Variants in DAB1 observed in about 807,000 individuals in gnomAD.
DAB1 encodes disabled homolog 1.
Under a neutral mutation model 64.6 loss-of-function variants are expected in DAB1, and 15 were observed. The ratio of observed to expected loss-of-function variants is 0.23; its 90% confidence interval spans 0.16 to 0.36. The LOEUF is 0.36. Ranked by LOEUF, DAB1 falls within the 10% of genes least tolerant of loss-of-function variation. The pLI, the probability that DAB1 is intolerant of heterozygous loss-of-function variation, is 1.00. For missense variants in DAB1, 596 were observed against 706.7 expected, an observed-to-expected ratio of 0.84 and a Z score of 1.78; for synonymous variants, 235 against 251.9, an observed-to-expected ratio of 0.93 and a Z score of 0.64.
chr1:57,170,871 G>T (rs953431793), intron 2 of DAB1, among the ~76,000 whole-genome samples: 1 of 152,126 alleles, frequency 6.6e-6, no homozygotes, highest in African/African-American at 2.4e-5. Flanking sequence ...TGAGGCTTTT[G>T]ATACTTCAAA....
chr1:57,734,511 C>G (rs1304426097), intron 6 of DAB1, among the ~76,000 whole-genome samples: 4 of 152,238 alleles, frequency 2.6e-5, no homozygotes, highest in African/African-American at 9.6e-5. Flanking sequence ...TGAAATCAGT[C>G]TGGATCCACA....
intron 1 of DAB1, among the ~76,000 whole-genome samples, chr1:57,346,016 C>A (rs768362193): frequency 1.3e-5 from 2 of 152,078 alleles, no homozygotes; most frequent in Non-Finnish European, 2.9e-5. Flanking sequence ...AAAACGAAAA[C>A]CCTGAGATCG....
At chr1:58,533,166 C>A (rs559470485) in intron 1 of DAB1, among the ~76,000 whole-genome samples, 74 of 152,192 alleles carry the variant, frequency 4.9e-4, no homozygotes, top group African/African-American at 1.8e-3. Context: ...TTTTCCTGGA[C>A]TTATATCAAG....
At chr1:57,122,598 G>A (rs986737622) in intron 4 of DAB1, among the ~76,000 whole-genome samples, 1 of 152,126 alleles carries the variant, frequency 6.6e-6, no homozygotes, top group Non-Finnish European at 1.5e-5. Context: ...ACTGTAGGTG[G>A]AAAACCAAAC....
intron 2 of DAB1, among the ~76,000 whole-genome samples, chr1:57,201,108 G>A (rs1399471497): frequency 1.3e-5 from 2 of 152,198 alleles, no homozygotes; most frequent in East Asian, 3.9e-4. Flanking sequence ...GTGATAGCAA[G>A]GTCTGTGTCT....
chr1:58,354,475 T>C (rs1329249973), intron 3 of DAB1, among the ~76,000 whole-genome samples: 2 of 152,292 alleles, frequency 1.3e-5, no homozygotes, highest in Non-Finnish European at 2.9e-5. Context: ...TCCAGAACAG[T>C]GACAGTATTG....
At chr1:57,454,463 CT>C (rs1686504054) in intron 7 of DAB1, among the ~76,000 whole-genome samples, 1 of 151,956 alleles carries the variant, frequency 6.6e-6, no homozygotes, top group Admixed American at 6.6e-5. Flanking sequence ...ATGAGAACCC[CT>C]GAACACAAAG....
intron 4 of DAB1, among the ~76,000 whole-genome samples, chr1:58,304,809 G>T (rs769136477): frequency 1.1e-4 from 16 of 152,062 alleles, no homozygotes; most frequent in Non-Finnish European, 1.6e-4. Flanking sequence ...GACGCAGCAG[G>T]ACTGAGAGAA....
chr1:58,186,087 A>T (rs1199644192), intron 4 of DAB1, among the ~76,000 whole-genome samples: 1 of 152,228 alleles, frequency 6.6e-6, no homozygotes, highest in African/African-American at 2.4e-5. Flanking sequence ...ACTTCTAAAC[A>T]GAAACTATCA....
chr1:57,195,661 C>T (rs608808), intron 2 of DAB1, among the ~76,000 whole-genome samples: 20,673 of 152,228 alleles, frequency 0.14, 2,601 homozygotes, highest in African/African-American at 0.3. Context: ...AGAACACATG[C>T]TCTAAGTCAG....
chr1:57,994,214 A>G (rs986153098), intron 5 of DAB1, among the ~76,000 whole-genome samples: 1 of 152,220 alleles, frequency 6.6e-6, no homozygotes, highest in Non-Finnish European at 1.5e-5. Context: ...GAGTTTGTCT[A>G]TATGAGGAAC....
At chr1:58,293,174 T>A (rs1288162472) in intron 4 of DAB1, among the ~76,000 whole-genome samples, 1 of 152,178 alleles carries the variant, frequency 6.6e-6, no homozygotes, top group South Asian at 2.1e-4. Context: ...AAGAAAAAAG[T>A]CACCTAGTTA....
chr1:57,969,137 G>T (rs1476150799), intron 5 of DAB1, among the ~76,000 whole-genome samples: 2 of 152,012 alleles, frequency 1.3e-5, no homozygotes, highest in African/African-American at 4.8e-5. Flanking sequence ...ACTAATTTAA[G>T]AATTTATTCC....
rs558375591 is a variant in DAB1 at position 58,055,350 on chromosome 1, C to T, written n.387+95161G>A. ...CCTTCTACCTGAAACTCTCATCCCC[C>T]AGGTATCAGAATGGTGTCTTCCCTC... On this transcript the variant is annotated intron_variant and non_coding_transcript_variant, in intron 5 of 20. Coordinates refer to the DAB1 transcript ENST00000485760. Among the ~76,000 whole-genome samples, 6 of 152,298 alleles carry T rather than the reference C, an allele frequency of 3.9e-5. No individual in the cohort carries two copies. The South Asian group carries it at 1.2e-3, about 32-fold the overall frequency.
intron 4 of DAB1, among the ~76,000 whole-genome samples, chr1:58,337,581 T>C (rs186089592): frequency 1.4e-4 from 21 of 152,328 alleles, no homozygotes; most frequent in African/African-American, 5.1e-4. Context: ...AAACTACTTA[T>C]GTTTTCTTGA....
At chr1:57,994,368 A>T (rs917540084) in intron 5 of DAB1, among the ~76,000 whole-genome samples, 5 of 152,236 alleles carry the variant, frequency 3.3e-5, no homozygotes, top group Non-Finnish European at 7.3e-5. Flanking sequence ...AGAGCATGGC[A>T]TCTGCAACCT....
chr1:58,464,203 T>C (rs1645272491), intron 3 of DAB1, among the ~76,000 whole-genome samples: 2 of 152,208 alleles, frequency 1.3e-5, no homozygotes, highest in African/African-American at 4.8e-5. Flanking sequence ...GTTAAAGGTA[T>C]CATACCAGCT....
intron 4 of DAB1, among the ~76,000 whole-genome samples, chr1:57,136,054 T>C (rs961826656): frequency 6.6e-6 from 1 of 152,136 alleles, no homozygotes; most frequent in Non-Finnish European, 1.5e-5. Context: ...TATCAGCCCT[T>C]AAATTTCCTG....
chr1:57,420,822 A>G (rs1410361257), intron 1 of DAB1, among the ~76,000 whole-genome samples: 1 of 152,248 alleles, frequency 6.6e-6, no homozygotes, highest in Non-Finnish European at 1.5e-5. Flanking sequence ...TAACTCAACC[A>G]CGAGTATTCT....
Sources: allele counts gnomAD v4.1 joint callset (sites outside exome capture counted in the v4.1 genomes callset), GRCh38; gene constraint gnomAD v4.1.1; transcripts MANE v1.5; gene names NCBI Gene and HGNC (gene_info 2026-07-23, HGNC 2026-07-21).